The following MDGA2 variants were observed in gnomAD, a reference collection of about 807,000 sequenced individuals.
MDGA2 encodes MAM domain-containing glycosylphosphatidylinositol anchor protein 2.
Under a neutral mutation model 117.8 loss-of-function variants are expected in MDGA2, and 40 were observed. The observed-to-expected ratio is 0.34, with a 90% confidence interval of 0.26 to 0.44. The LOEUF (loss-of-function observed/expected upper bound fraction) is 0.44. Ranked by LOEUF, MDGA2 falls within the 20% of genes least tolerant of loss-of-function variation. MDGA2 has a pLI of 1.00. For synonymous variants in MDGA2, 452 were observed against 439.0 expected, an observed-to-expected ratio of 1.03 and a Z score of -0.37; for missense variants, 1,123 against 1,250.6, an observed-to-expected ratio of 0.90 and a Z score of 1.54.
At chr14:47,293,506 C>T (rs12892336) in intron 2 of MDGA2, among the ~76,000 whole-genome samples, 23,441 of 152,116 alleles carry the variant, frequency 0.15, 1,961 homozygotes, top group Middle Eastern at 0.22. Flanking sequence ...AAGAATACTC[C>T]ACCTACTTTG....
At chr14:46,857,945 C>T (rs934420378) in intron 14 of MDGA2, among the ~76,000 whole-genome samples, 17 of 152,080 alleles carry the variant, frequency 1.1e-4, no homozygotes, top group Non-Finnish European at 2.1e-4. Flanking sequence ...TGAGTTACCA[C>T]GCCTGGTCCC....
At chr14:47,056,763 A>T (rs1889688906) in intron 7 of MDGA2, among the ~76,000 whole-genome samples, 1 of 152,186 alleles carries the variant, frequency 6.6e-6, no homozygotes, top group South Asian at 2.1e-4. Flanking sequence ...TTGAAAATTA[A>T]GTCTACTGCT....
chr14:47,080,703 A>G (rs983714532), intron 6 of MDGA2, among the ~76,000 whole-genome samples: 25 of 152,210 alleles, frequency 1.6e-4, no homozygotes, highest in African/African-American at 5.5e-4. Context: ...GCGCATTTAT[A>G]GTTCCACCTC....
chr14:47,249,874 T>G (rs571859401), intron 2 of MDGA2, among the ~76,000 whole-genome samples: 1 of 152,330 alleles, frequency 6.6e-6, no homozygotes, highest in South Asian at 2.1e-4. Flanking sequence ...AAAGTGTTGA[T>G]AACTAGAGAA....
intron 3 of MDGA2, among the ~76,000 whole-genome samples, chr14:47,180,719 G>C (rs948507699): frequency 1.3e-5 from 2 of 151,926 alleles, no homozygotes; most frequent in Non-Finnish European, 2.9e-5. Context: ...TCAAGAATTC[G>C]AGACCACCCT....
At chr14:47,112,196 A>G (rs1594634333) in intron 5 of MDGA2, among the ~76,000 whole-genome samples, 1 of 152,188 alleles carries the variant, frequency 6.6e-6, no homozygotes, top group Admixed American at 6.5e-5. Flanking sequence ...GAGGAGAAAA[A>G]GGGAGACAGA....
chr14:47,057,599 TCTTCTTTC>T (rs1367306211), intron 7 of MDGA2, among the ~76,000 whole-genome samples: 5 of 84,500 alleles, frequency 5.9e-5, no homozygotes, highest in Admixed American at 1.6e-4. Context: ...GCCTCTCTTT[TCTTCTTTC>T]CTTTTCTTTC....
At chr14:47,591,619 A>T (rs1456670396) in intron 1 of MDGA2, among the ~76,000 whole-genome samples, 1 of 152,110 alleles carries the variant, frequency 6.6e-6, no homozygotes, top group Non-Finnish European at 1.5e-5. Flanking sequence ...CTTCATCTCC[A>T]GGATGCAAGT....
rs939185368 is a variant in MDGA2, at chr14:47,237,328, G to A, written c.421-19133C>T. 1.1e-4 allele frequency among the ~76,000 whole-genome samples: 16 copies of A among 152,182 alleles called. No homozygotes were observed. The East Asian group carries it at 1.9e-3, about 18-fold the overall frequency. Reference sequence around the variant, plus strand: ...AAATGATTTGCAACACTTATGAGCCGCATTTTACGCCCGGGTCTCCCAGGC... The same window carrying A: ...AAATGATTTGCAACACTTATGAGCCACATTTTACGCCCGGGTCTCCCAGGC... On this transcript the variant is annotated intron_variant, in intron 2 of 16. Coordinates refer to ENST00000399232, the MANE Select transcript of MDGA2 (RefSeq NM_001113498.3).
chr14:46,921,179 G>A lies in MDGA2; in HGVS notation c.2090-1019C>T, dbSNP rs182262764. 7.2e-5 allele frequency among the ~76,000 whole-genome samples: 11 copies of A among 152,166 alleles called. No homozygotes were observed. In the East Asian group the frequency reaches 1.9e-3, roughly 27 times the overall value. ...TTAAGAACACAATGAATCAGGTATGGCCTCCTCATTCATGGAAATTAATTA... is the reference window on the plus strand; with the variant it reads ...TTAAGAACACAATGAATCAGGTATGACCTCCTCATTCATGGAAATTAATTA... On this transcript the variant is annotated intron_variant, in intron 9 of 16. Transcript: ENST00000399232.
chr14:46,851,906 T>TTA (rs1555328868), intron 15 of MDGA2, among the ~76,000 whole-genome samples: 2 of 140,018 alleles, frequency 1.4e-5, no homozygotes, highest in Admixed American at 1.4e-4. Context: ...GATTTTTGGG[T>TTA]AAAAAAAAAA....
intron 1 of MDGA2, among the ~76,000 whole-genome samples, chr14:47,390,638 G>C (rs1030436941): frequency 6.6e-6 from 1 of 152,124 alleles, no homozygotes; most frequent in Non-Finnish European, 1.5e-5. Flanking sequence ...CACATAAAAG[G>C]GTGATTTCTT....
chr14:47,088,959 A>G (rs895458216), intron 6 of MDGA2, among the ~76,000 whole-genome samples: 1 of 152,200 alleles, frequency 6.6e-6, no homozygotes, highest in Non-Finnish European at 1.5e-5. Context: ...AAGTAAGATT[A>G]TGTCCACCAT....
intron 8 of MDGA2, among the ~76,000 whole-genome samples, chr14:47,001,821 CT>C (rs1887540555): frequency 1.3e-5 from 2 of 151,886 alleles, no homozygotes; most frequent in South Asian, 4.1e-4. Context: ...AATAAATTGC[CT>C]GGGAGAAGTA....
intron 7 of MDGA2, among the ~76,000 whole-genome samples, chr14:47,054,578 T>G (rs925532390): frequency 6.6e-6 from 1 of 151,266 alleles, no homozygotes; most frequent in Non-Finnish European, 1.5e-5. Context: ...TGGTTTTTTG[T>G]CCTTGCGATA....
chr14:46,880,980 A>T lies in MDGA2; in HGVS notation c.2416+1064T>A, dbSNP rs149352904. Among the ~76,000 whole-genome samples, 272 of 148,512 alleles carry T rather than the reference A, an allele frequency of 1.8e-3. 1 individual carries two copies. The highest frequency in any genetic ancestry group is 3.5e-3 in the Admixed American group (51 of 14,524). On this transcript the variant is annotated intron_variant, in intron 11 of 16. Coordinates refer to ENST00000399232, the MANE Select transcript of MDGA2 (RefSeq NM_001113498.3). The stretch of plus-strand genomic sequence containing the variant: ...TAAGTAGTGAAGAAATATTTTATGC[A>T]TATAGTTAATAAAAAGAAAACTATC...
At chr14:47,249,253 G>A (rs1291489675) in intron 2 of MDGA2, among the ~76,000 whole-genome samples, 10 of 151,728 alleles carry the variant, frequency 6.6e-5, no homozygotes, top group Admixed American at 2.0e-4. Flanking sequence ...TCTTGACCTC[G>A]TGATCTGCCC....
chr14:47,589,052 C>T (rs369569196), intron 1 of MDGA2, among the ~76,000 whole-genome samples: 2 of 151,882 alleles, frequency 1.3e-5, no homozygotes, highest in Non-Finnish European at 1.5e-5. Flanking sequence ...ACATTGGGCT[C>T]ACCTAGATAA....
At chr14:47,598,803 C>G (rs1004424906) in intron 1 of MDGA2, among the ~76,000 whole-genome samples, 2 of 152,084 alleles carry the variant, frequency 1.3e-5, no homozygotes, top group Non-Finnish European at 2.9e-5. Flanking sequence ...AATCTGTATA[C>G]TGACAAAGAA....
Sources: gnomAD v4.1 joint callset for allele counts (sites outside exome capture counted in the v4.1 genomes callset) on GRCh38, gnomAD v4.1.1 for gene constraint, MANE v1.5 for transcripts, NCBI Gene and HGNC (gene_info 2026-07-23, HGNC 2026-07-21) for gene names.